The following ZSCAN30 variants were observed in gnomAD, a reference collection of about 807,000 sequenced individuals.
The protein encoded by ZSCAN30 is zinc finger and SCAN domain containing 30.
Under a neutral mutation model 44.3 loss-of-function variants are expected in ZSCAN30, and 37 were observed. The ratio of observed to expected loss-of-function variants is 0.84; its 90% confidence interval spans 0.64 to 1.10. The LOEUF is 1.10. Among genes scored for constraint, ZSCAN30 ranks in the 50% least tolerant of loss-of-function variants. The probability of loss-of-function intolerance (pLI) is 0.00; values close to 1 mark genes in which losing one functional copy is unlikely to be tolerated. For missense variants in ZSCAN30, 549 were observed against 582.6 expected (o/e 0.94, Z 0.59); for synonymous variants, 181 against 204.6 (o/e 0.88, Z 0.98).
At chr18:35,282,939 A>G (rs570372893) in intron 1 of ZSCAN30, 2 of 152,348 alleles carry the variant, frequency 1.3e-5, no homozygotes, top group East Asian at 3.9e-4. Flanking sequence ...GTGCCTAACT[A>G]GCTCTCATAA....
At chr18:35,263,403 C>A in intron 3 of ZSCAN30, 110 bp downstream of exon 3, 1 of 1,393,654 alleles carries the variant, frequency 7.2e-7, no homozygotes. Context: ...AGAAGCCTTT[C>A]CACAATACTT....
chr18:35,288,688 C>T (rs935153531), intron 1 of ZSCAN30, among the ~76,000 whole-genome samples: 1 of 152,164 alleles, frequency 6.6e-6, no homozygotes, highest in African/African-American at 2.4e-5. Flanking sequence ...AGTGAAACAA[C>T]TCTGACAAAA....
chr18:35,284,175 C>T, intron 1 of ZSCAN30: 1 of 154,610 alleles, frequency 6.5e-6, no homozygotes, highest in Non-Finnish European at 1.4e-5. Context: ...TCTCTGCTGG[C>T]AGGTCTTCTC....
chr18:35,272,295 G>T (rs560635256), intron 1 of ZSCAN30, among the ~76,000 whole-genome samples: 2 of 151,848 alleles, frequency 1.3e-5, no homozygotes, highest in South Asian at 4.2e-4. Flanking sequence ...CTCCCAAAGT[G>T]CTGGGATTAC....
intron 1 of ZSCAN30, among the ~76,000 whole-genome samples, chr18:35,272,416 C>T (rs559793233): frequency 2.7e-5 from 4 of 149,274 alleles, no homozygotes; most frequent in Non-Finnish European, 5.9e-5. Flanking sequence ...GGCACAATCT[C>T]GGCTCACTGC....
At chr18:35,257,589 C>T (rs2043878275) in intron 3 of ZSCAN30, 1 of 314,576 alleles carries the variant, frequency 3.2e-6, no homozygotes, top group African/African-American at 2.2e-5. Flanking sequence ...ACTTCTCAGC[C>T]TCCAGAACTG....
intron 1 of ZSCAN30, among the ~76,000 whole-genome samples, chr18:35,271,562 ACC>A (rs988491374): frequency 2.6e-5 from 4 of 152,246 alleles, no homozygotes; most frequent in African/African-American, 9.6e-5. Context: ...CCAAGTCCCC[ACC>A]TGACTCAGGA....
At chr18:35,283,039 A>G (rs939846291) in intron 1 of ZSCAN30, 1 of 152,182 alleles carries the variant, frequency 6.6e-6, no homozygotes, top group Non-Finnish European at 1.5e-5. Flanking sequence ...ACACTGACTG[A>G]TATATCAGGG....
chr18:35,277,382 C>T (rs112635633), intron 1 of ZSCAN30, among the ~76,000 whole-genome samples: 5,467 of 152,106 alleles, frequency 0.036, 329 homozygotes, highest in African/African-American at 0.12. Flanking sequence ...GATTTGGCTG[C>T]GTCCCCACCC....
In ZSCAN30 at chr18:35,254,247, C is replaced by T. The variant is rs781072208; in HGVS notation, c.688G>A (p.Gly230Arg). 3 of 1,614,124 alleles carry T rather than the reference C, an allele frequency of 1.9e-6. No individual in the cohort carries two copies. The South Asian group carries it at 3.3e-5, about 18-fold the overall frequency. Residue 230 changes from glycine (G) to arginine (R), a missense_variant, in exon 4 of 4, where the codon GGA (glycine) becomes AGA (arginine). By Grantham distance (125) the Gly-to-Arg change is moderately radical. Transcript: ENST00000333206. ...HSQRIAEEAL[G>R]GLDNSKKQKG... is the part of the protein sequence containing the mutation. ...TGCTTCTTAGAGTTGTCCAGACCTCCCAAAGCTTCTTCAGCTATCCGTTGG... is the reference window on the plus strand; with the variant it reads ...TGCTTCTTAGAGTTGTCCAGACCTCTCAAAGCTTCTTCAGCTATCCGTTGG...
At chr18:35,266,599 G>A (rs573907294) in intron 1 of ZSCAN30, 42 of 150,356 alleles carry the variant, frequency 2.8e-4, no homozygotes, top group African/African-American at 7.8e-4. Flanking sequence ...GCTTTGCCAG[G>A]TATTAATAGA....
rs763462286 is a variant in ZSCAN30, at chr18:35,254,308, C to G, written c.627G>C (p.Met209Ile). ...CTCCAGGAAGTTTTCCCGGCGATATCATAGCTGCTGAGGCTACACATTCAA... is the reference window on the plus strand; with the variant it reads ...CTCCAGGAAGTTTTCCCGGCGATATGATAGCTGCTGAGGCTACACATTCAA... ...EIVECVASAAMISPGKLPGET... is the reference protein window; with the variant it reads ...EIVECVASAAIISPGKLPGET... Residue 209 changes from methionine to isoleucine, a missense_variant, in exon 4 of 4, where the codon ATG becomes ATC. Met to Ile is a conservative substitution (Grantham distance 10). Coordinates refer to ENST00000333206, the MANE Select transcript of ZSCAN30 (RefSeq NM_001112734.4). 6.2e-7 allele frequency: 1 copy of G among 1,614,132 alleles called. No homozygotes were observed. Among genetic ancestry groups the G allele is most frequent in the Admixed American group, 1.7e-5 (1 of 60,014 alleles).
At chr18:35,282,212 A>G (rs2044467758) in intron 1 of ZSCAN30, 1 of 152,224 alleles carries the variant, frequency 6.6e-6, no homozygotes, top group Non-Finnish European at 1.5e-5. Flanking sequence ...GTCAGTATTT[A>G]AGTTATAGGA....
chr18:35,278,760 T>A (rs1262125244), intron 1 of ZSCAN30, among the ~76,000 whole-genome samples: 1 of 152,234 alleles, frequency 6.6e-6, no homozygotes, highest in East Asian at 1.9e-4. Context: ...CTTGGAAATA[T>A]CCTCAGCTAA....
In ZSCAN30 at chr18:35,253,933, A is replaced by G. The variant is rs757674370; in HGVS notation, c.1002T>C (p.Cys334=). 1 of 1,614,176 alleles carries G rather than the reference A, an allele frequency of 6.2e-7. No individual in the cohort carries two copies. Residue 334 remains cysteine (C), a synonymous_variant, in exon 4 of 4, where the codon TGT becomes TGC. Coordinates refer to ENST00000333206, the MANE Select transcript of ZSCAN30 (RefSeq NM_001112734.4). ...CTGAGCTCAAACTGAAGGCTTTGCC[A>G]CATTCTTTACATGCATAAGGTCTCT... is the stretch of plus-strand genomic sequence containing the variant. ...TGERPYACKE[C]GKAFSLSSDL...
Position 35,252,512 on chromosome 18 carries a change from T to A in ZSCAN30, c.*938A>T, listed in dbSNP as rs915286839. On this transcript the variant is annotated 3_prime_UTR_variant, in exon 4 of 4. Transcript: ENST00000333206. ...AATTACTCCTTCAGATTCATTTTTT[T>A]AAAAATTAGGTCTATGACAATTTCT... is the stretch of plus-strand genomic sequence containing the variant. 3.3e-5 allele frequency: 5 copies of A among 152,198 alleles called. No individual in the cohort carries two copies. The highest frequency in any genetic ancestry group is 4.8e-5 in the African/African-American group (2 of 41,444). 9.4% of individuals were successfully genotyped at this position (152,198 alleles called of 1,614,324 possible). A position where few individuals can be genotyped will look rare whatever the true frequency, so the allele number is the denominator to read the frequency against.
intron 3 of ZSCAN30, chr18:35,261,583 G>C (rs986417002): frequency 6.6e-6 from 1 of 152,074 alleles, no homozygotes; most frequent in African/African-American, 2.4e-5. Context: ...CTTGTTAGCT[G>C]TATTCCTAGG....
intron 1 of ZSCAN30, among the ~76,000 whole-genome samples, chr18:35,271,676 G>A (rs1016579517): frequency 2.6e-5 from 4 of 152,226 alleles, no homozygotes; most frequent in African/African-American, 4.8e-5. Context: ...TTGGGCAGTC[G>A]ATCGGACCGG....
At chr18:35,283,995 C>G (rs1419144444) in intron 1 of ZSCAN30, 1 of 152,506 alleles carries the variant, frequency 6.6e-6, no homozygotes. Flanking sequence ...CAGAATAGCT[C>G]AGAGGAGACC....
Sources: gnomAD v4.1 joint callset for allele counts (sites outside exome capture counted in the v4.1 genomes callset) on GRCh38, gnomAD v4.1.1 for gene constraint, MANE v1.5 for transcripts, NCBI Gene and HGNC (gene_info 2026-07-23, HGNC 2026-07-21) for gene names.